The following AK9 variants were observed in gnomAD, a reference collection of about 807,000 sequenced individuals.
AK9 encodes adenylate kinase 9, also known as adenylate kinase domain containing 1.
Under a neutral mutation model 239.6 loss-of-function variants are expected in AK9, and 191 were observed. The observed-to-expected ratio is 0.80, with a 90% CI of 0.71 to 0.90. The LOEUF is 0.90. Among genes scored for constraint, AK9 ranks in the 40% least tolerant of loss-of-function variants. The pLI is 0.00. For synonymous variants in AK9, 689 were observed against 721.0 expected, an observed-to-expected ratio of 0.96 and a Z score of 0.71; for missense variants, 1,995 against 2,214.7, an observed-to-expected ratio of 0.90 and a Z score of 1.99.
intron 24 of AK9, among the ~76,000 whole-genome samples, chr6:109,553,542 C>T (rs1043365646): frequency 2.0e-5 from 3 of 152,210 alleles, no homozygotes; most frequent in Middle Eastern, 3.4e-3. Flanking sequence ...GATTTACGAA[C>T]ATTGATTTTG....
intron 17 of AK9, among the ~76,000 whole-genome samples, chr6:109,603,038 A>G (rs1324335565): frequency 6.6e-6 from 1 of 151,972 alleles, no homozygotes; most frequent in African/African-American, 2.4e-5. Context: ...TAGCTCAGAG[A>G]AGTTTGATTG....
chr6:109,648,340 C>G (rs1459383814), intron 8 of AK9, among the ~76,000 whole-genome samples: 1 of 151,928 alleles, frequency 6.6e-6, no homozygotes, highest in African/African-American at 2.4e-5. Context: ...TGATAGAACG[C>G]TAGCAAGACT....
intron 25 of AK9, 23 bp from the exon 26 acceptor site, chr6:109,546,150 G>A: frequency 9.6e-7 from 1 of 1,040,406 alleles, no homozygotes; most frequent in African/African-American, 1.7e-5. Flanking sequence ...GTGGGTCAGG[G>A]AGGGGTGGGA....
rs774603131 is a variant in AK9, at chr6:109,516,662, C to T, written c.3634-20G>A. 1.7e-4 allele frequency: 259 copies of T among 1,521,810 alleles called. No homozygotes were observed. Among genetic ancestry groups the T allele is most frequent in the Non-Finnish European group, 1.9e-4 (213 of 1,124,334 alleles). 94.3% of individuals were successfully genotyped at this position (1,521,810 alleles called of 1,614,324 possible). A position where few individuals can be genotyped will look rare whatever the true frequency, so the allele number is the denominator to read the frequency against. ...AACATTCTAAGGAAGAAAATATTCCCTTTTACTATACATATAAAATATGTA... is the reference window on the plus strand; with the variant it reads ...AACATTCTAAGGAAGAAAATATTCCTTTTTACTATACATATAAAATATGTA... On this transcript the variant is annotated intron_variant, in intron 29 of 40. Coordinates refer to ENST00000424296, the MANE Select transcript of AK9 (RefSeq NM_001145128.3).
In AK9 at chr6:109,499,002, T is replaced by C. The variant is rs186794578; in HGVS notation, c.5046+42A>G. On this transcript the variant is annotated intron_variant, in intron 36 of 40. Coordinates refer to ENST00000424296, the MANE Select transcript of AK9 (RefSeq NM_001145128.3). ...ATTGATTGATTCCAAGATAAGACAT[T>C]TTCTTTCTTTAGTAAATATTTGGAG... The C allele has an allele frequency of 4.3e-6, 6 of 1,380,760 alleles. No individual in the cohort carries two copies. In the East Asian group the frequency reaches 1.6e-4, roughly 38 times the overall value. 85.5% of individuals were successfully genotyped at this position (1,380,760 alleles called of 1,614,324 possible). A position where few individuals can be genotyped will look rare whatever the true frequency, so the allele number is the denominator to read the frequency against.
At chr6:109,573,193 T>G (rs1333297537) in intron 21 of AK9, among the ~76,000 whole-genome samples, 1 of 152,170 alleles carries the variant, frequency 6.6e-6, no homozygotes, top group Non-Finnish European at 1.5e-5. Flanking sequence ...TTTCCTGCTT[T>G]TTGAACAACA....
intron 1 of AK9, among the ~76,000 whole-genome samples, chr6:109,676,879 T>C (rs754939993): frequency 2.0e-5 from 3 of 152,122 alleles, no homozygotes; most frequent in Non-Finnish European, 4.4e-5. Context: ...ATAAAGAAGA[T>C]GTGGTACATA....
intron 9 of AK9, among the ~76,000 whole-genome samples, chr6:109,642,955 T>C (rs1162565729): frequency 4.6e-5 from 7 of 152,182 alleles, no homozygotes; most frequent in Non-Finnish European, 2.9e-5. Flanking sequence ...TTAGAAGATA[T>C]CTAAAGCTAC....
chr6:109,576,420 C>CTTTTTTTTTTTTTTTTTTTTTT lies in AK9; in HGVS notation c.2192-2827_2192-2826insAAAAAAAAAAAAAAAAAAAAAA, dbSNP rs3060763. On this transcript the variant is annotated intron_variant, in intron 20 of 40. Transcript: ENST00000424296. Reference sequence around the variant, plus strand: ...GGTTAGGTGTATATACATATATATACTTTTTTTTTTTTTTTTTGCAGCTGT... The same window carrying CTTTTTTTTTTTTTTTTTTTTTT: ...GGTTAGGTGTATATACATATATATACTTTTTTTTTTTTTTTTTTTTTTTTTTTTTTTTTTTTTTTGCAGCTGT... Among the ~76,000 whole-genome samples the CTTTTTTTTTTTTTTTTTTTTTT allele has an allele frequency of 6.8e-5, 7 of 103,478 alleles. 3 individuals carry two copies. Among genetic ancestry groups the CTTTTTTTTTTTTTTTTTTTTTT allele is most frequent in the Non-Finnish European group, 3.9e-5 (2 of 51,216 alleles). The allele number at this position is 103,478 out of a possible 152,430, so 67.9% of individuals were successfully genotyped here. A position where few individuals can be genotyped will look rare whatever the true frequency, so the allele number is the denominator to read the frequency against.
At chr6:109,564,323 T>C (rs1051196205) in intron 22 of AK9, 43 bp from the exon 23 acceptor site, 2 of 1,458,812 alleles carry the variant, frequency 1.4e-6, no homozygotes, top group Non-Finnish European at 1.8e-6. Context: ...GGGCTTTAAA[T>C]ATCCTATCTT....
intron 21 of AK9, among the ~76,000 whole-genome samples, chr6:109,566,809 C>T (rs1283814477): frequency 6.6e-6 from 1 of 152,158 alleles, no homozygotes; most frequent in East Asian, 1.9e-4. Flanking sequence ...GGAAACTGAA[C>T]AACCTGCTCC....
chr6:109,672,043 T>C (rs905850802), intron 4 of AK9, 28 bp from the exon 5 acceptor site: 1 of 1,610,782 alleles, frequency 6.2e-7, no homozygotes, highest in Middle Eastern at 1.7e-4. Context: ...TATTGTACAT[T>C]ACTGTATAAT....
intron 27 of AK9, among the ~76,000 whole-genome samples, chr6:109,539,722 A>G (rs1460163403): frequency 6.6e-6 from 1 of 151,848 alleles, no homozygotes; most frequent in African/African-American, 2.4e-5. Flanking sequence ...TTTTTTCCCC[A>G]TCTTTGTGGT....
intron 6 of AK9, chr6:109,660,813 C>G: frequency 3.2e-6 from 1 of 308,184 alleles, no homozygotes; most frequent in Non-Finnish European, 6.5e-6. Context: ...GATTCTGGTT[C>G]TTAGTTCTGG....
rs773676986 is a variant in AK9, at chr6:109,614,284, C to A, written c.1508G>T (p.Gly503Val). The change falls in exon 15 of 41, where the codon GGC becomes GTC. Residue 503 changes from glycine to valine, a missense_variant. Physicochemically the swap from Gly to Val is moderately radical, Grantham distance 109. Around this residue, in one of 5 missense-constraint regions of AK9, gnomAD observed 1,290 missense variants for 1,392.7 expected, o/e 0.93. Coordinates refer to ENST00000424296, the MANE Select transcript of AK9 (RefSeq NM_001145128.3). ...AGAGCTGCCTCTGTCCCTTTGGGAG[C>A]CTTGAATGTACCCTGCAATGAAAGA... ...SSIDEEGYIQ[G>V]SQRDRGSSLV... is the part of the protein sequence containing the mutation. 3 of 1,551,198 alleles carry A rather than the reference C, an allele frequency of 1.9e-6. No individual in the cohort carries two copies. The African/African-American group carries it at 4.1e-5, about 21-fold the overall frequency.
In AK9 at chr6:109,633,038, C is replaced by T. The variant is rs192102031; in HGVS notation, c.1139G>A (p.Arg380His). The T allele has an allele frequency of 1.8e-5, 29 of 1,579,366 alleles. No homozygotes were observed. The Admixed American group carries it at 2.4e-4, about 13-fold the overall frequency. The change falls in exon 12 of 41, where the codon CGT becomes CAT. Residue 380 changes from arginine to histidine, a missense_variant. Physicochemically the swap from Arg to His is conservative, Grantham distance 29 (BLOSUM62 0). Transcript: ENST00000424296. ...EALKPFLLNP[R>H]PYLLPPMPGP... is the part of the protein sequence containing the mutation. ...TGGCATAGGTGGAAGCAGATAGGGACGTGGGTTCAACAAAAATGGTTTTAA... is the reference window on the plus strand; with the variant it reads ...TGGCATAGGTGGAAGCAGATAGGGATGTGGGTTCAACAAAAATGGTTTTAA...
At chr6:109,656,688 A>G (rs890343677) in intron 8 of AK9, 68 bp downstream of exon 8, 2 of 1,461,566 alleles carry the variant, frequency 1.4e-6, no homozygotes, top group African/African-American at 2.8e-5. Flanking sequence ...AAGACATGTG[A>G]AAGCTACTTA....
At chr6:109,518,900 T>C (rs1033773765) in intron 29 of AK9, among the ~76,000 whole-genome samples, 3 of 152,074 alleles carry the variant, frequency 2.0e-5, no homozygotes, top group Admixed American at 6.6e-5. Flanking sequence ...TGGGGTATGA[T>C]TGATTGTGTC....
intron 21 of AK9, among the ~76,000 whole-genome samples, chr6:109,570,719 G>A (rs1165153476): frequency 6.6e-6 from 1 of 152,102 alleles, no homozygotes; most frequent in Admixed American, 6.6e-5. Flanking sequence ...TAACGTGGTT[G>A]AGAAACAATA....
Sources: allele counts gnomAD v4.1 joint callset (sites outside exome capture counted in the v4.1 genomes callset), GRCh38; gene constraint gnomAD v4.1.1; regional missense constraint gnomAD v4.1.1; transcripts MANE v1.5; gene names NCBI Gene and HGNC (gene_info 2026-07-23, HGNC 2026-07-21).